CSMD3: variants seen among roughly 807,000 people sequenced by gnomAD.
CSMD3 encodes the protein CUB and sushi domain-containing protein 3.
A neutral mutation model predicts 435.2 loss-of-function variants in CSMD3; 177 were observed. The ratio of observed to expected loss-of-function variants is 0.41; its 90% CI spans 0.36 to 0.46. The LOEUF is 0.46. Ranked by LOEUF, CSMD3 falls within the 20% of genes least tolerant of loss-of-function variation. CSMD3 has a pLI of 0.34. For synonymous variants in CSMD3, 1,656 were observed against 1,520.5 expected (o/e 1.09, Z -2.07); for missense variants, 4,265 against 4,504.6 (o/e 0.95, Z 1.52).
intron 68 of CSMD3, 44 bp from the exon 69 acceptor site, chr8:112,231,676 A>G (rs778749160): frequency 9.1e-7 from 1 of 1,098,044 alleles, no homozygotes; most frequent in South Asian, 1.2e-5. Flanking sequence ...TACTGGCCAT[A>G]GCTATATTTT....
chr8:112,554,143 C>T (rs1004212893), intron 25 of CSMD3, among the ~76,000 whole-genome samples: 1 of 151,680 alleles, frequency 6.6e-6, no homozygotes, highest in Non-Finnish European at 1.5e-5. Context: ...GATTCAGTTC[C>T]TTAAATTAAA....
chr8:113,248,244 G>T (rs1350988355), intron 3 of CSMD3, among the ~76,000 whole-genome samples: 2 of 151,466 alleles, frequency 1.3e-5, no homozygotes, highest in Non-Finnish European at 2.9e-5. Flanking sequence ...TAAAAATAGA[G>T]ATGAAGCATA....
At chr8:113,219,910 T>A (rs2092947438) in intron 3 of CSMD3, among the ~76,000 whole-genome samples, 1 of 151,540 alleles carries the variant, frequency 6.6e-6, no homozygotes, top group African/African-American at 2.4e-5. Flanking sequence ...TTCTGATTTA[T>A]GAAGAACTTT....
chr8:112,417,347 C>T (rs186032772), intron 32 of CSMD3, among the ~76,000 whole-genome samples: 1 of 152,138 alleles, frequency 6.6e-6, no homozygotes, highest in Admixed American at 6.6e-5. Flanking sequence ...AATAAAAGTA[C>T]CTGACCTCCT....
At chr8:112,234,165 C>T (rs1813353386) in intron 68 of CSMD3, among the ~76,000 whole-genome samples, 200 bp downstream of exon 68, 1 of 151,812 alleles carries the variant, frequency 6.6e-6, no homozygotes, top group African/African-American at 2.4e-5. Flanking sequence ...CACACACACA[C>T]ACACGACAAA....
At chr8:112,509,602 A>G (rs1448877109) in intron 28 of CSMD3, among the ~76,000 whole-genome samples, 2 of 152,078 alleles carry the variant, frequency 1.3e-5, no homozygotes, top group African/African-American at 4.8e-5. Flanking sequence ...TCTTAAATTC[A>G]CCATCCTAGT....
At chr8:112,665,497 T>G (rs1355337799) in intron 17 of CSMD3, among the ~76,000 whole-genome samples, 1 of 152,170 alleles carries the variant, frequency 6.6e-6, no homozygotes, top group Non-Finnish European at 1.5e-5. Flanking sequence ...GTTAGGTTTG[T>G]AAAATTCAAT....
chr8:113,061,784 T>C (rs1284521638), intron 5 of CSMD3, among the ~76,000 whole-genome samples: 1 of 152,004 alleles, frequency 6.6e-6, no homozygotes, highest in Admixed American at 6.6e-5. Context: ...ATATCAAAAA[T>C]TCTGTAAAGG....
At chr8:112,631,532 C>T (rs2074514838) in intron 22 of CSMD3, among the ~76,000 whole-genome samples, 2 of 152,060 alleles carry the variant, frequency 1.3e-5, no homozygotes, top group Admixed American at 1.3e-4. Context: ...GTTTCTCGTA[C>T]ATTTCTTTTA....
At chr8:112,349,364 CTA>C (rs942951828) in intron 40 of CSMD3, among the ~76,000 whole-genome samples, 7 of 151,386 alleles carry the variant, frequency 4.6e-5, no homozygotes, top group African/African-American at 1.7e-4. Flanking sequence ...AAAAACATTA[CTA>C]TATATATATA....
chr8:112,928,729 A>T (rs1431488779), intron 9 of CSMD3, among the ~76,000 whole-genome samples: 4 of 150,376 alleles, frequency 2.7e-5, no homozygotes, highest in African/African-American at 7.3e-5. Flanking sequence ...GCTATTGTGA[A>T]TAATGCCGCA....
chr8:113,398,014 A>T (rs2133188415), intron 1 of CSMD3, among the ~76,000 whole-genome samples: 1 of 152,214 alleles, frequency 6.6e-6, no homozygotes, highest in African/African-American at 2.4e-5. Flanking sequence ...TCACAAATAA[A>T]GTTGTGAACA....
chr8:112,379,010 G>T (rs895466804), intron 38 of CSMD3, among the ~76,000 whole-genome samples: 1 of 151,558 alleles, frequency 6.6e-6, no homozygotes, highest in Non-Finnish European at 1.5e-5. Flanking sequence ...AAAGTTGCAA[G>T]ATACAAAATT....
At chr8:112,374,241 A>T (rs1462149272) in intron 38 of CSMD3, among the ~76,000 whole-genome samples, 1 of 152,162 alleles carries the variant, frequency 6.6e-6, no homozygotes, top group African/African-American at 2.4e-5. Context: ...AATGTTAGTT[A>T]TCCTTTGGCA....
intron 3 of CSMD3, among the ~76,000 whole-genome samples, chr8:113,228,372 A>G (rs1203984353): frequency 6.6e-6 from 1 of 151,602 alleles, no homozygotes; most frequent in Non-Finnish European, 1.5e-5. Flanking sequence ...TCATTGTATT[A>G]TCTGGACATT....
intron 13 of CSMD3, among the ~76,000 whole-genome samples, chr8:112,736,821 A>G (rs1352911884): frequency 1.3e-5 from 2 of 152,004 alleles, no homozygotes; most frequent in Non-Finnish European, 2.9e-5. Context: ...ATCGATTAAT[A>G]TATTTTTCTT....
At chr8:112,371,240 G>T (rs1828362632) in intron 38 of CSMD3, among the ~76,000 whole-genome samples, 1 of 152,168 alleles carries the variant, frequency 6.6e-6, no homozygotes. Flanking sequence ...CTCCTTGCTG[G>T]TCTCCTTCTC....
intron 13 of CSMD3, among the ~76,000 whole-genome samples, chr8:112,736,428 T>C (rs16884006): frequency 0.014 from 2,102 of 152,158 alleles, 50 homozygotes; most frequent in African/African-American, 0.048. Context: ...TCTGGTTGCA[T>C]GCAGCTGCTC....
intron 6 of CSMD3, among the ~76,000 whole-genome samples, chr8:112,989,117 A>T (rs1397640426): frequency 6.6e-6 from 1 of 152,068 alleles, no homozygotes; most frequent in African/African-American, 2.4e-5. Flanking sequence ...TTCCTAAGAA[A>T]TATTACATTC....
Sources: gnomAD v4.1 joint callset for allele counts (sites outside exome capture counted in the v4.1 genomes callset) on GRCh38, gnomAD v4.1.1 for gene constraint, MANE v1.5 for transcripts, NCBI Gene and HGNC (gene_info 2026-07-23, HGNC 2026-07-21) for gene names.